Variants in AHI1 observed in about 807,000 individuals in gnomAD.
AHI1 encodes the protein jouberin.
In AHI1, 123 loss-of-function variants were observed where a neutral mutation model predicts 149.3. The ratio of observed to expected loss-of-function variants is 0.82; its 90% confidence interval spans 0.71 to 0.96. The LOEUF (loss-of-function observed/expected upper bound fraction) is 0.96. Among genes scored for constraint, AHI1 ranks in the 40% least tolerant of loss-of-function variants. AHI1 has a pLI of 0.00. For synonymous variants in AHI1, 475 were observed against 459.8 expected (o/e 1.03, Z -0.42); for missense variants, 1,439 against 1,422.7 (o/e 1.01, Z -0.18).
chr6:135,474,924 AAGG>A lies in AHI1; in HGVS notation c.136-7293_136-7291del, dbSNP rs1356474802. 7.9e-5 allele frequency among the ~76,000 whole-genome samples: 12 copies of A among 152,222 alleles called. 1 individual carries two copies. In the East Asian group the frequency reaches 2.3e-3, roughly 29 times the overall value. On this transcript the variant is annotated intron_variant, in intron 5 of 28. Coordinates refer to ENST00000265602, the MANE Select transcript of AHI1 (RefSeq NM_001134831.2). ...CAGCTGTGTAATTATTGCCCACAAA[AAGG>A]AGTGGACAAGGATCACCTCTTATTT...
At chr6:135,419,930 A>T (rs116660631) in intron 20 of AHI1, among the ~76,000 whole-genome samples, 197 of 152,260 alleles carry the variant, frequency 1.3e-3, no homozygotes, top group African/African-American at 4.6e-3. Flanking sequence ...CTTTGTTGTC[A>T]TCTCAACAAT....
chr6:135,458,465 C>T (rs1789323809), intron 8 of AHI1, among the ~76,000 whole-genome samples: 1 of 152,070 alleles, frequency 6.6e-6, no homozygotes, highest in Non-Finnish European at 1.5e-5. Flanking sequence ...GTGAAATCTC[C>T]CAGGCTTGTG....
At chr6:135,337,242 T>A (rs540611534) in intron 24 of AHI1, among the ~76,000 whole-genome samples, 1 of 152,178 alleles carries the variant, frequency 6.6e-6, no homozygotes, top group Non-Finnish European at 1.5e-5. Flanking sequence ...CTTTTCTTCA[T>A]ACTAATTTCT....
chr6:135,388,919 C>T (rs968902833), intron 23 of AHI1, among the ~76,000 whole-genome samples: 3 of 150,436 alleles, frequency 2.0e-5, no homozygotes, highest in Admixed American at 6.6e-5. Flanking sequence ...GGCTGAGGCA[C>T]GAGTATCACT....
intron 23 of AHI1, among the ~76,000 whole-genome samples, chr6:135,373,148 C>T (rs1438290195): frequency 6.6e-6 from 1 of 152,216 alleles, no homozygotes; most frequent in Non-Finnish European, 1.5e-5. Context: ...AAATGTTTTA[C>T]AGTCATGTGC....
intron 23 of AHI1, among the ~76,000 whole-genome samples, chr6:135,390,204 T>G (rs916873496): frequency 6.6e-6 from 1 of 152,120 alleles, no homozygotes; most frequent in African/African-American, 2.4e-5. Context: ...AGAATAAAAC[T>G]TCTCTGTACA....
intron 6 of AHI1, among the ~76,000 whole-genome samples, chr6:135,466,990 A>C (rs1328362821): frequency 1.3e-5 from 2 of 152,216 alleles, no homozygotes; most frequent in Admixed American, 1.3e-4. Flanking sequence ...ATAAATAAGG[A>C]TAAGAGTCAA....
At chr6:135,497,077 C>A (rs1796068189) in intron 2 of AHI1, 111 bp downstream of exon 2, 1 of 152,224 alleles carries the variant, frequency 6.6e-6, no homozygotes, top group South Asian at 2.1e-4. Context: ...AAACGCAGCA[C>A]AACCTTTGAT....
chr6:135,345,678 T>C (rs1025368462), intron 24 of AHI1, among the ~76,000 whole-genome samples: 5 of 152,164 alleles, frequency 3.3e-5, no homozygotes, highest in South Asian at 2.1e-4. Context: ...GGATCATTGC[T>C]AATGAGTACG....
intron 5 of AHI1, among the ~76,000 whole-genome samples, chr6:135,480,777 C>A (rs1184803069): frequency 6.6e-6 from 1 of 152,188 alleles, no homozygotes; most frequent in Non-Finnish European, 1.5e-5. Context: ...AATCAGGCCA[C>A]ACAGCAGGAA....
At chr6:135,417,124 GAATA>G (rs1306176518) in intron 20 of AHI1, among the ~76,000 whole-genome samples, 16 of 151,974 alleles carry the variant, frequency 1.1e-4, no homozygotes, top group African/African-American at 3.9e-4. Context: ...TGGGTTTCAG[GAATA>G]AATAAATAAA....
In AHI1 at chr6:135,300,373, T is replaced by TA. The variant is rs1783714875; in HGVS notation, c.3485+126dup. ...AAATCGTAAACAAGCTAAACTCCTTTAAAATCAACTATCTGAAATTTAACT... is the reference window on the plus strand; with the variant it reads ...AAATCGTAAACAAGCTAAACTCCTTTAAAAATCAACTATCTGAAATTTAACT... On this transcript the variant is annotated intron_variant, in intron 27 of 28. Coordinates refer to ENST00000265602, the MANE Select transcript of AHI1 (RefSeq NM_001134831.2). 23 of 1,110,816 alleles carry TA rather than the reference T, an allele frequency of 2.1e-5. No homozygotes were observed. In the South Asian group the frequency reaches 4.4e-4, roughly 21 times the overall value. The allele number at this position is 1,110,816 out of a possible 1,614,324, so 68.8% of individuals were successfully genotyped here. A position where few individuals can be genotyped will look rare whatever the true frequency, so the allele number is the denominator to read the frequency against.
intron 26 of AHI1, chr6:135,302,224 A>C: frequency 1.0e-6 from 1 of 985,412 alleles, no homozygotes; most frequent in Non-Finnish European, 1.2e-6. Context: ...CTTACCATCA[A>C]TATAGGTATA....
At chr6:135,393,542 G>A (rs570654320) in intron 23 of AHI1, among the ~76,000 whole-genome samples, 12 of 152,160 alleles carry the variant, frequency 7.9e-5, no homozygotes, top group African/African-American at 2.9e-4. Flanking sequence ...ATCTAAAGAA[G>A]TAGTACATGA....
chr6:135,326,547 C>T (rs906458869), intron 24 of AHI1, among the ~76,000 whole-genome samples: 1 of 151,980 alleles, frequency 6.6e-6, no homozygotes, highest in African/African-American at 2.4e-5. Flanking sequence ...AAATAGTATA[C>T]ACTGTACCCC....
chr6:135,333,990 T>C (rs1582645168), intron 24 of AHI1, among the ~76,000 whole-genome samples: 2 of 152,354 alleles, frequency 1.3e-5, no homozygotes, highest in South Asian at 4.1e-4. Context: ...TTTGTCTGAT[T>C]GCTGCAATAA....
At chr6:135,475,818 T>C (rs547551119) in intron 5 of AHI1, among the ~76,000 whole-genome samples, 3 of 152,308 alleles carry the variant, frequency 2.0e-5, no homozygotes, top group South Asian at 4.1e-4. Flanking sequence ...CAGTAATAAA[T>C]GGTGTGGGTA....
chr6:135,493,080 C>G (rs894558696), intron 3 of AHI1: 1 of 556,734 alleles, frequency 1.8e-6, no homozygotes. Context: ...CTCACTGCAA[C>G]CTCCGCCTCC....
At chr6:135,406,427 A>G (rs1421758137) in intron 21 of AHI1, among the ~76,000 whole-genome samples, 3 of 152,144 alleles carry the variant, frequency 2.0e-5, no homozygotes, top group African/African-American at 4.8e-5. Context: ...TACTTGTGTG[A>G]TCTTGGTTAT....
Sources: gnomAD v4.1 joint callset for allele counts (sites outside exome capture counted in the v4.1 genomes callset) on GRCh38, gnomAD v4.1.1 for gene constraint, MANE v1.5 for transcripts, NCBI Gene and HGNC (gene_info 2026-07-23, HGNC 2026-07-21) for gene names.